Variants in CDH13 observed in about 807,000 individuals in gnomAD.
CDH13 encodes the protein cadherin-13.
CDH13 carries 24 observed loss-of-function variants against 63.8 expected under a neutral mutation model. The ratio of observed to expected loss-of-function variants is 0.38; its 90% CI spans 0.27 to 0.53. The LOEUF (loss-of-function observed/expected upper bound fraction) is 0.53, where lower values mean the gene tolerates loss of function less well. CDH13 is among the 20% of genes least tolerant of loss of function. CDH13 has a pLI of 0.85. For missense variants in CDH13, 1,049 were observed against 903.1 expected (o/e 1.16, Z -2.07); for synonymous variants, 503 against 355.3 (o/e 1.42, Z -4.67).
At chr16:83,293,976 G>C (rs2089525596) in intron 5 of CDH13, among the ~76,000 whole-genome samples, 1 of 152,136 alleles carries the variant, frequency 6.6e-6, no homozygotes, top group Non-Finnish European at 1.5e-5. Flanking sequence ...CTGTGAGCAG[G>C]AGGAGAAGAT....
In CDH13 at chr16:82,750,513, T is replaced by C. The variant is rs965681034; in HGVS notation, c.46-107849T>C. Among the ~76,000 whole-genome samples the C allele has an allele frequency of 9.9e-5, 15 of 152,204 alleles. No homozygotes were observed. In the East Asian group the frequency reaches 2.3e-3, roughly 23 times the overall value. On this transcript the variant is annotated intron_variant, in intron 1 of 13. Coordinates refer to ENST00000567109, the MANE Select transcript of CDH13 (RefSeq NM_001257.5). Reference sequence around the variant, plus strand: ...TGCCCATTCAATTCCAATCTGAATGTTAGTACCAGACTAATGATCTGACAT... The same window carrying C: ...TGCCCATTCAATTCCAATCTGAATGCTAGTACCAGACTAATGATCTGACAT...
chr16:83,369,932 C>G (rs1475784936), intron 6 of CDH13, among the ~76,000 whole-genome samples: 1 of 152,226 alleles, frequency 6.6e-6, no homozygotes, highest in Non-Finnish European at 1.5e-5. Flanking sequence ...TTCATGTTGA[C>G]CTTGTCCCTA....
At chr16:83,430,634 C>G (rs924147626) in intron 6 of CDH13, among the ~76,000 whole-genome samples, 11 of 152,124 alleles carry the variant, frequency 7.2e-5, no homozygotes, top group East Asian at 1.9e-4. Flanking sequence ...AATTTACACT[C>G]TCATGAAAGA....
intron 11 of CDH13, among the ~76,000 whole-genome samples, chr16:83,753,733 T>C (rs1256777733): frequency 6.6e-6 from 1 of 152,148 alleles, no homozygotes; most frequent in African/African-American, 2.4e-5. Flanking sequence ...CAGGAATTTA[T>C]GCCAAAACAT....
chr16:82,933,483 C>T (rs1034180464), intron 2 of CDH13, among the ~76,000 whole-genome samples: 1 of 152,122 alleles, frequency 6.6e-6, no homozygotes, highest in Non-Finnish European at 1.5e-5. Flanking sequence ...GGTGGGGACA[C>T]AGAACCAGAC....
At chr16:83,174,725 G>GA (rs1225730040) in intron 4 of CDH13, among the ~76,000 whole-genome samples, 1 of 152,018 alleles carries the variant, frequency 6.6e-6, no homozygotes, top group Non-Finnish European at 1.5e-5. Context: ...AATATATAAA[G>GA]AAAAAAGGTT....
chr16:82,753,343 T>G (rs919575609), intron 1 of CDH13, among the ~76,000 whole-genome samples: 2 of 152,218 alleles, frequency 1.3e-5, no homozygotes, highest in Non-Finnish European at 2.9e-5. Context: ...GGCTTCATTT[T>G]CCTCCTACCT....
intron 7 of CDH13, among the ~76,000 whole-genome samples, chr16:83,531,638 G>C (rs1029874305): frequency 2.6e-5 from 4 of 152,202 alleles, no homozygotes; most frequent in Admixed American, 2.6e-4. Flanking sequence ...CTACAAGAGG[G>C]AGGCGAGTGG....
intron 7 of CDH13, among the ~76,000 whole-genome samples, chr16:83,519,761 G>T (rs375800380): frequency 6.6e-6 from 1 of 152,144 alleles, no homozygotes; most frequent in Admixed American, 6.6e-5. Flanking sequence ...CTCAATACAA[G>T]CAGCATGGCA....
At chr16:83,698,454 C>A (rs761955957) in intron 10 of CDH13, among the ~76,000 whole-genome samples, 5 of 152,174 alleles carry the variant, frequency 3.3e-5, no homozygotes, top group Non-Finnish European at 7.3e-5. Flanking sequence ...CTGAGGCCAC[C>A]ATGGGGAGAT....
chr16:83,107,275 G>A (rs2034815793), intron 3 of CDH13, among the ~76,000 whole-genome samples: 3 of 152,272 alleles, frequency 2.0e-5, no homozygotes, highest in South Asian at 2.1e-4. Context: ...CAGGAAAAGG[G>A]ACCCCTATGG....
At chr16:83,738,830 C>T (rs1185494241) in intron 10 of CDH13, among the ~76,000 whole-genome samples, 3 of 152,204 alleles carry the variant, frequency 2.0e-5, no homozygotes, top group Non-Finnish European at 4.4e-5. Context: ...CGCTTGAACC[C>T]AGGAGGCGGA....
intron 5 of CDH13, among the ~76,000 whole-genome samples, chr16:83,269,045 A>T (rs1330561708): frequency 6.6e-6 from 1 of 152,200 alleles, no homozygotes; most frequent in Non-Finnish European, 1.5e-5. Context: ...ATCTGTAAAG[A>T]CGCTTTTACT....
At chr16:83,508,837 C>G (rs888797531) in intron 7 of CDH13, among the ~76,000 whole-genome samples, 1 of 152,192 alleles carries the variant, frequency 6.6e-6, no homozygotes, top group Non-Finnish European at 1.5e-5. Context: ...CTCTTGTCTT[C>G]TATATTTTAG....
intron 4 of CDH13, among the ~76,000 whole-genome samples, chr16:83,127,111 T>C (rs939068717): frequency 2.0e-5 from 3 of 152,164 alleles, no homozygotes; most frequent in African/African-American, 7.2e-5. Flanking sequence ...TGAGTCTACA[T>C]TGCAAAGGCC....
intron 2 of CDH13, among the ~76,000 whole-genome samples, chr16:82,976,040 A>G (rs1346648661): frequency 6.6e-6 from 1 of 152,238 alleles, no homozygotes; most frequent in Admixed American, 6.5e-5. Context: ...AAGAGATGAA[A>G]GCCCCTGGTC....
intron 10 of CDH13, chr16:83,735,409 T>C (rs898601805): frequency 6.6e-6 from 1 of 152,230 alleles, no homozygotes; most frequent in Admixed American, 6.5e-5. Flanking sequence ...GATTTACTTA[T>C]GATTCCTTTT....
At chr16:82,689,883 G>A (rs969747253) in intron 1 of CDH13, among the ~76,000 whole-genome samples, 33 of 145,384 alleles carry the variant, frequency 2.3e-4, no homozygotes, top group East Asian at 2.0e-4. Flanking sequence ...AGTGGCTCAC[G>A]CCTATAATCC....
intron 5 of CDH13, among the ~76,000 whole-genome samples, chr16:83,289,024 T>C (rs997146875): frequency 2.6e-5 from 4 of 152,182 alleles, no homozygotes; most frequent in South Asian, 2.1e-4. Context: ...ACACCACCTT[T>C]TTGAAATAGA....
Sources: gnomAD v4.1 joint callset for allele counts (sites outside exome capture counted in the v4.1 genomes callset) on GRCh38, gnomAD v4.1.1 for gene constraint, MANE v1.5 for transcripts, NCBI Gene and HGNC (gene_info 2026-07-23, HGNC 2026-07-21) for gene names.